The following JARID2 variants were observed in gnomAD, a reference collection of about 807,000 sequenced individuals.
The protein encoded by JARID2 is jumonji and AT-rich interaction domain containing 2, also known as protein Jumonji.
A neutral mutation model predicts 125.6 loss-of-function variants in JARID2; 21 were observed. That is an observed-to-expected ratio of 0.17 (90% CI 0.12 to 0.24). The LOEUF (loss-of-function observed/expected upper bound fraction) is 0.24, where lower values mean the gene tolerates loss of function less well. Among genes scored for constraint, JARID2 ranks in the 10% least tolerant of loss-of-function variants. The pLI, the probability that JARID2 is intolerant of heterozygous loss-of-function variation, is 1.00. For missense variants in JARID2, 1,303 were observed against 1,639.6 expected (o/e 0.79, Z 3.55); for synonymous variants, 736 against 661.6 (o/e 1.11, Z -1.73).
At chr6:15,296,155 C>G (rs1400442358) in intron 1 of JARID2, among the ~76,000 whole-genome samples, 1 of 152,172 alleles carries the variant, frequency 6.6e-6, no homozygotes, top group African/African-American at 2.4e-5. Context: ...CAAAATCAAA[C>G]ACCAGTGCCT....
chr6:15,508,522 T>C (rs990647717), intron 12 of JARID2, 68 bp downstream of exon 12: 28 of 852,772 alleles, frequency 3.3e-5, no homozygotes, highest in Non-Finnish European at 5.1e-5. Flanking sequence ...AAGTGGGGCC[T>C]GTGGGTAACT....
intron 1 of JARID2, among the ~76,000 whole-genome samples, chr6:15,367,300 A>T (rs1764014881): frequency 6.6e-6 from 1 of 152,158 alleles, no homozygotes; most frequent in Non-Finnish European, 1.5e-5. Context: ...CCTTCTCCCA[A>T]ATCAAGATGG....
chr6:15,353,813 A>G (rs1763509222), intron 1 of JARID2, among the ~76,000 whole-genome samples: 2 of 152,212 alleles, frequency 1.3e-5, no homozygotes, highest in Admixed American at 1.3e-4. Flanking sequence ...GTAGTTTTGC[A>G]TGAGTTGGAG....
intron 4 of JARID2, among the ~76,000 whole-genome samples, chr6:15,466,602 A>G (rs564862263): frequency 7.9e-5 from 12 of 152,338 alleles, no homozygotes; most frequent in African/African-American, 2.2e-4. Context: ...TTTCATAAAT[A>G]CTTATAAAGG....
rs1177261309 is a variant in JARID2, at chr6:15,520,134, G to C, written c.3624G>C (p.Glu1208Asp). Reference sequence around the variant, plus strand: ...TGTCTGGTAAAAACGGCAGCATTGAGAACTGTCTCAGTAAACCCACACCAA... The same window carrying C: ...TGTCTGGTAAAAACGGCAGCATTGACAACTGTCTCAGTAAACCCACACCAA... Reference protein sequence around the residue: ...GKVSGKNGSIENCLSKPTPKR... With the variant: ...GKVSGKNGSIDNCLSKPTPKR... The change falls in exon 18 of 18, where the codon GAG becomes GAC. Residue 1208 changes from glutamate to aspartate, a missense_variant. Physicochemically the swap from Glu to Asp is conservative, Grantham distance 45. Transcript: ENST00000341776. 1.2e-6 allele frequency: 2 copies of C among 1,613,960 alleles called. No homozygotes were observed. The highest frequency in any genetic ancestry group is 1.1e-5 in the South Asian group (1 of 91,054).
At chr6:15,382,453 G>C (rs1384319736) in intron 2 of JARID2, among the ~76,000 whole-genome samples, 2 of 152,170 alleles carry the variant, frequency 1.3e-5, no homozygotes, top group Non-Finnish European at 2.9e-5. Flanking sequence ...GCAAATATTT[G>C]ACTGGTCTGT....
chr6:15,504,059 A>G (rs1015569552), intron 8 of JARID2, among the ~76,000 whole-genome samples: 3 of 152,154 alleles, frequency 2.0e-5, no homozygotes, highest in African/African-American at 7.2e-5. Flanking sequence ...CTGTCTCTCC[A>G]GCTTCTCTCC....
At chr6:15,324,450 A>G (rs1285871059) in intron 1 of JARID2, 1 of 152,082 alleles carries the variant, frequency 6.6e-6, no homozygotes, top group Admixed American at 6.6e-5. Flanking sequence ...CAGTTTTAAT[A>G]TATGAGCTGC....
At chr6:15,515,759 A>AC (rs949895811) in intron 16 of JARID2, among the ~76,000 whole-genome samples, 18 of 150,210 alleles carry the variant, frequency 1.2e-4, no homozygotes, top group Middle Eastern at 3.2e-3. Context: ...TTTAAAAAAA[A>AC]AAAACAAAAA....
intron 3 of JARID2, among the ~76,000 whole-genome samples, chr6:15,413,000 G>GTTTTTTTTTTTTTTTTTTTTTTTTTTT (rs1561845196): frequency 1.5e-5 from 1 of 65,028 alleles, no homozygotes; most frequent in African/African-American, 6.0e-5. Context: ...GGAAGAGCTT[G>GTTTTTTTTTTTTTTTTTTTTTTTTTTT]TGTTTTTGTT....
intron 1 of JARID2, among the ~76,000 whole-genome samples, chr6:15,265,357 G>T (rs532350785): frequency 7.7e-6 from 1 of 130,688 alleles, no homozygotes; most frequent in East Asian, 2.2e-4. Context: ...CCCAAACTTA[G>T]GTTTGCATTA....
At chr6:15,333,176 C>T (rs1468851459) in intron 1 of JARID2, among the ~76,000 whole-genome samples, 1 of 152,046 alleles carries the variant, frequency 6.6e-6, no homozygotes, top group Non-Finnish European at 1.5e-5. Context: ...TCGTGATCCA[C>T]CCGCCTCGGC....
chr6:15,308,660 C>T (rs1287586388), intron 1 of JARID2, among the ~76,000 whole-genome samples: 1 of 152,070 alleles, frequency 6.6e-6, no homozygotes, highest in Non-Finnish European at 1.5e-5. Context: ...CTCTTATTAT[C>T]TTATTATGTA....
At chr6:15,516,885 G>C (rs1395896853) in intron 16 of JARID2, among the ~76,000 whole-genome samples, 1 of 152,206 alleles carries the variant, frequency 6.6e-6, no homozygotes, top group Non-Finnish European at 1.5e-5. Flanking sequence ...AAATCTGGAG[G>C]GGACTTGAGG....
At chr6:15,513,877 G>A (rs182147226) in intron 16 of JARID2, among the ~76,000 whole-genome samples, 1 of 152,326 alleles carries the variant, frequency 6.6e-6, no homozygotes, top group Admixed American at 6.5e-5. Context: ...TTGGTTTCCT[G>A]GTCCTGCTCA....
At chr6:15,261,006 C>T (rs1463823279) in intron 1 of JARID2, among the ~76,000 whole-genome samples, 1 of 152,088 alleles carries the variant, frequency 6.6e-6, no homozygotes, top group Non-Finnish European at 1.5e-5. Context: ...TTTATTGGAG[C>T]ATTAGGCAAA....
chr6:15,312,489 T>C (rs1762048054), intron 1 of JARID2, among the ~76,000 whole-genome samples: 1 of 152,236 alleles, frequency 6.6e-6, no homozygotes, highest in Non-Finnish European at 1.5e-5. Context: ...GCACCTCCTG[T>C]CACCCGAGAA....
At chr6:15,257,741 A>G (rs565801781) in intron 1 of JARID2, among the ~76,000 whole-genome samples, 107 of 152,352 alleles carry the variant, frequency 7.0e-4, no homozygotes, top group Middle Eastern at 6.8e-3. Context: ...ACGTTAGGCC[A>G]GCGGGTTGGT....
chr6:15,336,051 C>G (rs909183090), intron 1 of JARID2, among the ~76,000 whole-genome samples: 14 of 151,986 alleles, frequency 9.2e-5, no homozygotes, highest in African/African-American at 3.4e-4. Context: ...TGCCACTGCA[C>G]TCCAGTCTGG....
Sources: gnomAD v4.1 joint callset for allele counts (sites outside exome capture counted in the v4.1 genomes callset) on GRCh38, gnomAD v4.1.1 for gene constraint, MANE v1.5 for transcripts, NCBI Gene and HGNC (gene_info 2026-07-23, HGNC 2026-07-21) for gene names.